The following BEST3 variants were observed in gnomAD, a reference collection of about 807,000 sequenced individuals.
BEST3 encodes the protein bestrophin-3.
BEST3 carries 50 observed loss-of-function variants against 47.1 expected under a neutral mutation model. The observed-to-expected ratio is 1.06, with a 90% CI of 0.85 to 1.34. The LOEUF (loss-of-function observed/expected upper bound fraction) is 1.34. Ranked by LOEUF, BEST3 falls within the 40% of genes most tolerant of loss-of-function variation. The pLI, the probability that BEST3 is intolerant of heterozygous loss-of-function variation, is 0.00. For synonymous variants in BEST3, 282 were observed against 298.8 expected (o/e 0.94, Z 0.58); for missense variants, 765 against 817.0 (o/e 0.94, Z 0.78).
chr12:69,681,558 T>A (rs1885254882), intron 4 of BEST3, among the ~76,000 whole-genome samples: 1 of 152,188 alleles, frequency 6.6e-6, no homozygotes, highest in Non-Finnish European at 1.5e-5. Context: ...GGTATGCCCA[T>A]TTTTAGAGTC....
chr12:69,684,463 A>G lies in BEST3; in HGVS notation c.482-5570T>C. Reference sequence around the variant, plus strand: ...ATCATAGAGATTCTGCCTGCTGTACAGTTGCTCTATTTTTCCTTGATTGAA... The same window carrying G: ...ATCATAGAGATTCTGCCTGCTGTACGGTTGCTCTATTTTTCCTTGATTGAA... On this transcript the variant is annotated intron_variant, in intron 4 of 9. Coordinates refer to ENST00000330891, the MANE Select transcript of BEST3 (RefSeq NM_032735.3). 5 of 533,994 alleles carry G rather than the reference A, an allele frequency of 9.4e-6. No homozygotes were observed. In the South Asian group the frequency reaches 1.1e-4, roughly 12 times the overall value. The allele number at this position is 533,994 out of a possible 1,614,324, so 33.1% of individuals were successfully genotyped here.
In BEST3 at chr12:69,655,809, A is replaced by G. The variant is rs770850354; in HGVS notation, c.1105T>C (p.Ser369Pro). The G allele has an allele frequency of 4.4e-5, 71 of 1,601,690 alleles. No homozygotes were observed. Among genetic ancestry groups the G allele is most frequent in the Non-Finnish European group, 5.8e-5 (68 of 1,171,934 alleles). Residue 369 changes from serine (S) to proline (P), a missense_variant, in exon 10 of 10, where the codon TCT becomes CCT. Ser to Pro is a moderately conservative substitution (Grantham distance 74, BLOSUM62 -1). Transcript: ENST00000330891. ...TCCTCGTCAGGAAAGTCGGACCCAG[A>G]CAGCCTGAAACACACAATGACAAGA... is the stretch of plus-strand genomic sequence containing the variant. Reference protein sequence around the residue: ...FLGSTVQMGLSGSDFPDEEWL... With the variant: ...FLGSTVQMGLPGSDFPDEEWL...
At chr12:69,661,944 T>C (rs710733) in intron 9 of BEST3, among the ~76,000 whole-genome samples, 112,816 of 152,032 alleles carry the variant, frequency 0.74, 41,950 homozygotes, top group South Asian at 0.86. Context: ...TATGTTCTCT[T>C]GGCTCTTGCT....
At chr12:69,643,542 C>G, downstream of BEST3, 1 of 478,224 alleles carries the variant, frequency 2.1e-6, no homozygotes. Flanking sequence ...GGGAAGGTAC[C>G]ATGTTGGGCA....
In BEST3 at chr12:69,672,913, G is replaced by A; in HGVS notation, c.920C>T (p.Thr307Ile). 6.2e-7 allele frequency: 1 copy of A among 1,613,426 alleles called. No homozygotes were observed. The highest frequency in any genetic ancestry group is 8.5e-7 in the Non-Finnish European group (1 of 1,179,738). Residue 307 changes from threonine (T) to isoleucine (I), a missense_variant, in exon 8 of 10, where the codon ACT becomes ATT. Transcript: ENST00000330891. Reference protein sequence around the residue: ...PFGEDDDDFETNWCIDRNLQV... With the variant: ...PFGEDDDDFEINWCIDRNLQV... ...CAAATTTCTGTCAATGCACCAGTTAGTTTCAAAATCATCATCATCTTCTCC... is the reference window on the plus strand; with the variant it reads ...CAAATTTCTGTCAATGCACCAGTTAATTTCAAAATCATCATCATCTTCTCC...
At chr12:69,648,996 G>T (rs1210612056), downstream of BEST3, among the ~76,000 whole-genome samples, 2 of 152,224 alleles carry the variant, frequency 1.3e-5, no homozygotes, top group African/African-American at 4.8e-5. Flanking sequence ...ATATTGGTAA[G>T]AATTTATTAT....
At chr12:69,666,101 C>A (rs934794958) in intron 9 of BEST3, among the ~76,000 whole-genome samples, 2 of 152,132 alleles carry the variant, frequency 1.3e-5, no homozygotes, top group Non-Finnish European at 2.9e-5. Context: ...CTAACTGCAA[C>A]CTTCCCCTCC....
downstream of BEST3, among the ~76,000 whole-genome samples, chr12:69,650,965 G>A (rs1402358526): frequency 6.6e-6 from 1 of 152,190 alleles, no homozygotes; most frequent in Non-Finnish European, 1.5e-5. Flanking sequence ...AGTTTTCTGA[G>A]CCAGGCACAG....
intron 2 of BEST3, among the ~76,000 whole-genome samples, chr12:69,697,367 G>A (rs991072609): frequency 6.6e-6 from 1 of 152,162 alleles, no homozygotes; most frequent in African/African-American, 2.4e-5. Context: ...AAGATCTAAG[G>A]ATAATCCTTC....
At chr12:69,695,414 C>A (rs575626775) in intron 2 of BEST3, among the ~76,000 whole-genome samples, 1 of 152,238 alleles carries the variant, frequency 6.6e-6, no homozygotes, top group East Asian at 1.9e-4. Context: ...AGATAGAGAG[C>A]TGTTGGGAGC....
chr12:69,698,078 A>G (rs999759988), intron 1 of BEST3, among the ~76,000 whole-genome samples: 1 of 152,236 alleles, frequency 6.6e-6, no homozygotes, highest in Non-Finnish European at 1.5e-5. Flanking sequence ...TAGATTATAT[A>G]GCCATTGGCC....
intron 4 of BEST3, among the ~76,000 whole-genome samples, chr12:69,691,110 T>C (rs959631242): frequency 1.2e-4 from 18 of 152,342 alleles, no homozygotes; most frequent in Non-Finnish European, 1.9e-4. Flanking sequence ...TGGGATATTA[T>C]ATTAATAACA....
intron 9 of BEST3, among the ~76,000 whole-genome samples, chr12:69,662,214 C>T (rs558567783): frequency 6.6e-6 from 1 of 152,186 alleles, no homozygotes; most frequent in African/African-American, 2.4e-5. Context: ...CTTTCTGGTA[C>T]ATTAAGTGAA....
chr12:69,661,923 A>G (rs1182926915), intron 9 of BEST3, among the ~76,000 whole-genome samples: 1 of 152,164 alleles, frequency 6.6e-6, no homozygotes, highest in Non-Finnish European at 1.5e-5. Flanking sequence ...GCTACATCCT[A>G]CCACCCTGGT....
intron 8 of BEST3, 81 bp from the exon 9 acceptor site, chr12:69,671,660 T>C (rs1420058681): frequency 2.4e-5 from 31 of 1,297,820 alleles, no homozygotes; most frequent in Non-Finnish European, 3.3e-5. Context: ...AGATGAGAGT[T>C]AGATTGGGCT....
intron 4 of BEST3, among the ~76,000 whole-genome samples, chr12:69,692,841 C>T (rs1450423817): frequency 4.6e-5 from 7 of 152,178 alleles, no homozygotes; most frequent in African/African-American, 1.4e-4. Flanking sequence ...TGGCTCACTG[C>T]AACCTCCACT....
Position 69,678,779 on chromosome 12 carries a change from C to T in BEST3, c.596G>A (p.Gly199Asp), listed in dbSNP as rs1885071457. 6.2e-7 allele frequency: 1 copy of T among 1,614,082 alleles called. No homozygotes were observed. The highest frequency in any genetic ancestry group is 1.1e-5 in the South Asian group (1 of 91,074). Residue 199 changes from glycine to aspartate, a missense_variant, in exon 5 of 10, where the codon GGT (glycine) becomes GAT (aspartate). Transcript: ENST00000330891. ...GNLATKARNEGRIRDSVDLQS... is the reference protein window; with the variant it reads ...GNLATKARNEDRIRDSVDLQS... ...CAGATCAACACTGTCTCTGATTCTA[C>T]CTTCATTCCGGGCTTTAGTTGCAAG... is the stretch of plus-strand genomic sequence containing the variant.
chr12:69,656,409 G>A (rs942649102), intron 9 of BEST3, among the ~76,000 whole-genome samples: 2 of 150,822 alleles, frequency 1.3e-5, no homozygotes, highest in African/African-American at 4.9e-5. Context: ...CTGTCATCTA[G>A]TATATGTTCT....
At chr12:69,646,974 C>T (rs1332519597) in intron 9 of BEST3, among the ~76,000 whole-genome samples, 1 of 152,132 alleles carries the variant, frequency 6.6e-6, no homozygotes, top group African/African-American at 2.4e-5. Flanking sequence ...CTTCTGAACC[C>T]ATCTGCAACC....
Sources: allele counts gnomAD v4.1 joint callset (sites outside exome capture counted in the v4.1 genomes callset), GRCh38; gene constraint gnomAD v4.1.1; transcripts MANE v1.5; gene names NCBI Gene and HGNC (gene_info 2026-07-23, HGNC 2026-07-21).